The following SPPL2B variants were observed in gnomAD, a reference collection of about 807,000 sequenced individuals.
SPPL2B encodes signal peptide peptidase like 2B.
Under a neutral mutation model 59.7 loss-of-function variants are expected in SPPL2B, and 39 were observed. That is an observed-to-expected ratio of 0.65 (90% confidence interval 0.51 to 0.85). SPPL2B has a LOEUF of 0.85. SPPL2B is among the 40% of genes least tolerant of loss of function. SPPL2B has a pLI of 0.00. For missense variants in SPPL2B, 865 were observed against 849.0 expected, an observed-to-expected ratio of 1.02 and a Z score of -0.23; for synonymous variants, 419 against 370.8, an observed-to-expected ratio of 1.13 and a Z score of -1.49.
chr19:2,342,957 C>T (rs113581583), intron 8 of SPPL2B: 24,255 of 525,298 alleles, frequency 0.046, 795 homozygotes, highest in Non-Finnish European at 0.06. Flanking sequence ...TCCTGGCTGC[C>T]GAGTGGTGGG....
At position 2,349,945 on chromosome 19, in the gene SPPL2B, A is replaced by G. The variant is rs559744397; in HGVS notation, c.1355-1489A>G. Among the ~76,000 whole-genome samples the G allele has an allele frequency of 2.2e-3, 260 of 119,164 alleles. 8 individuals carry two copies. Among genetic ancestry groups the G allele is most frequent in the African/African-American group, 7.7e-3 (228 of 29,588 alleles). The allele number at this position is 119,164 out of a possible 152,430, so 78.2% of individuals were successfully genotyped here. ...TCTCCACACACACTCACATGCTCTC[A>G]TTTGCTTGATTCTGTTCTCTCTCTA... On this transcript the variant is annotated intron_variant, in intron 13 of 14. Coordinates refer to ENST00000613503, the MANE Select transcript of SPPL2B (RefSeq NM_152988.3).
At chr19:2,334,341 C>T (rs1044326710) in intron 1 of SPPL2B, among the ~76,000 whole-genome samples, 27 of 152,234 alleles carry the variant, frequency 1.8e-4, no homozygotes, top group Non-Finnish European at 2.2e-4. Context: ...AACTCGGGAG[C>T]CACAAAGGGG....
At chr19:2,331,177 C>T (rs956213343) in intron 1 of SPPL2B, among the ~76,000 whole-genome samples, 9 of 152,240 alleles carry the variant, frequency 5.9e-5, no homozygotes, top group African/African-American at 1.2e-4. Context: ...TGGCTGGACC[C>T]GGCCCGGCTC....
At chr19:2,350,552 C>T (rs1969870988) in intron 13 of SPPL2B, among the ~76,000 whole-genome samples, 1 of 152,232 alleles carries the variant, frequency 6.6e-6, no homozygotes, top group Non-Finnish European at 1.5e-5. Flanking sequence ...TGCAGTTGGC[C>T]CTCACTAGCC....
chr19:2,334,579 T>C (rs2145144269), intron 1 of SPPL2B, 23 bp from the exon 2 acceptor site: 1 of 1,601,292 alleles, frequency 6.2e-7, no homozygotes, highest in Non-Finnish European at 8.5e-7. Flanking sequence ...GCTGTGGCTC[T>C]GACTGCTGGC....
Position 2,332,324 on chromosome 19 carries a change from G to A in SPPL2B, c.67-2278G>A, listed in dbSNP as rs118084321. Among the ~76,000 whole-genome samples the A allele has an allele frequency of 0.092, 14,083 of 152,284 alleles. 736 individuals are homozygous for A. The highest frequency in any genetic ancestry group is 0.15 in the Middle Eastern group (45 of 294). On this transcript the variant is annotated intron_variant, in intron 1 of 14. Transcript: ENST00000613503. This position sits in a 1 kb window ranked among gnomAD's most constrained non-coding sequence, Gnocchi z 4.6. ...TGATTTCAGTGATGAGGGCCCGGCT[G>A]TTGGAGAGCCCGTCTGTGCCTGTGT... is the stretch of plus-strand genomic sequence containing the variant.
intron 13 of SPPL2B, among the ~76,000 whole-genome samples, chr19:2,348,171 C>G (rs1262567918): frequency 2.2e-4 from 2 of 9,100 alleles, no homozygotes; most frequent in East Asian, 3.1e-3. Flanking sequence ...TCTCCACACA[C>G]ACTCGCGCTC....
Position 2,348,599 on chromosome 19 carries a change from G to A in SPPL2B, c.1355-2835G>A, listed in dbSNP as rs549769796. On this transcript the variant is annotated intron_variant, in intron 13 of 14. Coordinates refer to ENST00000613503, the MANE Select transcript of SPPL2B (RefSeq NM_152988.3). The stretch of plus-strand genomic sequence containing the variant: ...CACACAGACTCATGCACTCTCATTC[G>A]CCTGATTCCATTCTCTCTCTCCACA... Among the ~76,000 whole-genome samples, 14 of 139,098 alleles carry A rather than the reference G, an allele frequency of 1.0e-4. No individual in the cohort carries two copies. The East Asian group carries it at 2.2e-3, about 22-fold the overall frequency. The allele number at this position is 139,098 out of a possible 152,430, so 91.3% of individuals were successfully genotyped here.
In SPPL2B at chr19:2,351,730, T is replaced by C. The variant is rs1385458567; in HGVS notation, c.1515+136T>C. The C allele has an allele frequency of 3.4e-6, 4 of 1,168,288 alleles. No homozygotes were observed. The African/African-American group carries it at 4.7e-5, about 14-fold the overall frequency. 72.4% of individuals were successfully genotyped at this position (1,168,288 alleles called of 1,614,324 possible). A position where few individuals can be genotyped will look rare whatever the true frequency, so the allele number is the denominator to read the frequency against. On this transcript the variant is annotated intron_variant, in intron 14 of 14. Transcript: ENST00000613503. The stretch of plus-strand genomic sequence containing the variant: ...CTCAGGGTCCTGGTACCTTCTGCTT[T>C]GGGTGTCATGCGCGTGAGGCCCCGG...
rs766826043 is a variant in SPPL2B at position 2,341,021 on chromosome 19, G to A, written c.956+7G>A. ...TCTTCCGCAACGAGGACCAGTAAGT[G>A]CTGCTTCCCCCGGGCCCCGGCGGGC... On this transcript the variant is annotated splice_region_variant and intron_variant, in intron 8 of 14. Transcript: ENST00000613503. 2 of 1,598,460 alleles carry A rather than the reference G, an allele frequency of 1.3e-6. No individual in the cohort carries two copies. Among genetic ancestry groups the A allele is most frequent in the Admixed American group, 3.3e-5 (2 of 59,956 alleles).
chr19:2,336,882 C>T (rs567513313), intron 2 of SPPL2B, among the ~76,000 whole-genome samples: 15 of 138,016 alleles, frequency 1.1e-4, no homozygotes, highest in African/African-American at 3.3e-4. Flanking sequence ...TGTGCGTGTG[C>T]ACTGGTCTGG....
At chr19:2,337,677 G>T in intron 3 of SPPL2B, 52 bp downstream of exon 3, 2 of 1,477,354 alleles carry the variant, frequency 1.4e-6, no homozygotes, top group South Asian at 1.3e-5. Flanking sequence ...CAGGAGGGGG[G>T]TGCAGGAGGC....
At chr19:2,336,265 GATGTGTGAGTGC>G (rs569838874) in intron 2 of SPPL2B, among the ~76,000 whole-genome samples, 2,647 of 129,820 alleles carry the variant, frequency 0.02, 62 homozygotes, top group African/African-American at 0.076. Flanking sequence ...TTTGTGTATG[GATGTGTGAGTGC>G]ATGTGTGTCT....
At chr19:2,334,757 G>A in intron 2 of SPPL2B, 36 bp downstream of exon 2, 1 of 1,495,674 alleles carries the variant, frequency 6.7e-7, no homozygotes, top group Non-Finnish European at 8.9e-7. Flanking sequence ...CTGCGGAGGA[G>A]AATGCGGGGG....
chr19:2,329,575 T>G (rs1968171425), intron 1 of SPPL2B, among the ~76,000 whole-genome samples: 1 of 152,196 alleles, frequency 6.6e-6, no homozygotes, highest in African/African-American at 2.4e-5. Context: ...CAATGGAACC[T>G]GGAGCAGCCC....
rs374690687 is a variant in SPPL2B at position 2,350,647 on chromosome 19, C to G, written c.1355-787C>G. On this transcript the variant is annotated intron_variant, in intron 13 of 14. Transcript: ENST00000613503. Reference sequence around the variant, plus strand: ...TTTGTGTTCTTATCTGTACTGAACACATGCAGATTTTTTGGGCCAGTTTTC... The same window carrying G: ...TTTGTGTTCTTATCTGTACTGAACAGATGCAGATTTTTTGGGCCAGTTTTC... Among the ~76,000 whole-genome samples the G allele has an allele frequency of 4.6e-5, 7 of 152,272 alleles. No homozygotes were observed. In the East Asian group the frequency reaches 1.3e-3, roughly 29 times the overall value.
At chr19:2,334,491 C>T in intron 1 of SPPL2B, 111 bp from the exon 2 acceptor site, 3 of 1,421,434 alleles carry the variant, frequency 2.1e-6, no homozygotes, top group Non-Finnish European at 2.8e-6. Context: ...ACCTGGTGAA[C>T]ATGGGCGCCC....
intron 8 of SPPL2B, 196 bp downstream of exon 8, chr19:2,341,210 G>A (rs1969025500): frequency 1.4e-6 from 1 of 691,996 alleles, no homozygotes; most frequent in African/African-American, 1.8e-5. Flanking sequence ...TTGTCCGGGT[G>A]TCATGGGAAC....
intron 13 of SPPL2B, among the ~76,000 whole-genome samples, chr19:2,349,753 ATGCG>A (rs1969777218): frequency 8.3e-6 from 1 of 121,186 alleles, no homozygotes; most frequent in African/African-American, 3.6e-5. Flanking sequence ...CTCCACACAC[ATGCG>A]CTCTCATTTG....
Sources: allele counts gnomAD v4.1 joint callset (sites outside exome capture counted in the v4.1 genomes callset), GRCh38; gene constraint gnomAD v4.1.1; non-coding constraint Gnocchi (gnomAD v3.1); transcripts MANE v1.5; gene names NCBI Gene and HGNC (gene_info 2026-07-23, HGNC 2026-07-21).